The following GGACT variants were observed in gnomAD, a reference collection of about 807,000 sequenced individuals.
The protein encoded by GGACT is gamma-glutamylaminecyclotransferase.
For missense variants in GGACT, 241 were observed against 233.2 expected (o/e 1.03, Z -0.22); for synonymous variants, 118 against 115.3 (o/e 1.02, Z -0.15).
chr13:100,548,930 T>A (rs941315036), intron 2 of GGACT, among the ~76,000 whole-genome samples: 2 of 152,202 alleles, frequency 1.3e-5, no homozygotes, highest in Non-Finnish European at 2.9e-5. Context: ...TCAGCATGAA[T>A]TAGTCAAAGT....
intron 2 of GGACT, among the ~76,000 whole-genome samples, chr13:100,553,199 G>A (rs192938700): frequency 2.0e-4 from 30 of 152,150 alleles, no homozygotes; most frequent in African/African-American, 7.0e-4. Context: ...AAAATATTGT[G>A]CAGTGAATCC....
chr13:100,548,970 C>T (rs937654238), intron 2 of GGACT, among the ~76,000 whole-genome samples: 1 of 152,240 alleles, frequency 6.6e-6, no homozygotes. Context: ...AAGATAACCA[C>T]CAAATACAAC....
At chr13:100,536,332 T>A (rs941038090) in intron 2 of GGACT, 1 of 152,112 alleles carries the variant, frequency 6.6e-6, no homozygotes, top group Non-Finnish European at 1.5e-5. Context: ...TCCTCTCTGT[T>A]CTCTTTCTGG....
intron 2 of GGACT, among the ~76,000 whole-genome samples, chr13:100,569,939 C>T (rs758030968): frequency 3.3e-5 from 5 of 152,214 alleles, no homozygotes; most frequent in South Asian, 2.1e-4. Flanking sequence ...ACAAGTTCCT[C>T]GTTTCCATCT....
At chr13:100,549,668 C>T (rs1369168674) in intron 2 of GGACT, among the ~76,000 whole-genome samples, 1 of 152,204 alleles carries the variant, frequency 6.6e-6, no homozygotes, top group East Asian at 1.9e-4. Context: ...TCAGCATCAC[C>T]TTTCGCTAAG....
At chr13:100,579,498 T>C in intron 2 of GGACT, among the ~76,000 whole-genome samples, 1 of 151,944 alleles carries the variant, frequency 6.6e-6, no homozygotes, top group East Asian at 1.9e-4. Flanking sequence ...AACCTAAAAA[T>C]ACTACTCTCT....
chr13:100,579,764 C>T (rs1269375198), intron 2 of GGACT, among the ~76,000 whole-genome samples: 1 of 152,180 alleles, frequency 6.6e-6, no homozygotes, highest in East Asian at 1.9e-4. Context: ...GGAGAGTTCA[C>T]CCTGGGTCTC....
intron 2 of GGACT, chr13:100,541,776 T>A (rs2088557149): frequency 6.6e-6 from 1 of 152,228 alleles, no homozygotes; most frequent in Non-Finnish European, 1.5e-5. Context: ...CTGCAGAAGA[T>A]GATAGCTTAT....
rs147710327 is a variant in GGACT at position 100,543,197 on chromosome 13, C to CTTTTTTTTTTTTTTTTTT, written c.-10-10614_-10-10597dup. Among the ~76,000 whole-genome samples the CTTTTTTTTTTTTTTTTTT allele has an allele frequency of 2.4e-4, 17 of 69,900 alleles. 1 individual carries two copies. The highest frequency in any genetic ancestry group is 1.1e-3 in the African/African-American group (17 of 16,182). The allele number at this position is 69,900 out of a possible 152,430, so 45.9% of individuals were successfully genotyped here. A position where few individuals can be genotyped will look rare whatever the true frequency, so the allele number is the denominator to read the frequency against. On this transcript the variant is annotated intron_variant, in intron 2 of 2. Transcript: ENST00000683975. Reference sequence around the variant, plus strand: ...CAAAAGGATTTTAAAAAGACACCAGCTTTTTTTTTTTTTTTTTTTTTTTTT... The same window carrying CTTTTTTTTTTTTTTTTTT: ...CAAAAGGATTTTAAAAAGACACCAGCTTTTTTTTTTTTTTTTTTTTTTTTTTTTTTTTTTTTTTTTTTT...
chr13:100,533,423 C>T (rs995451257), intron 2 of GGACT: 55 of 152,400 alleles, frequency 3.6e-4, no homozygotes, highest in African/African-American at 1.2e-3. Context: ...TCCCAACAGC[C>T]TGCCCTGCTA....
Position 100,542,282 on chromosome 13 carries a change from G to A in GGACT, c.-10-9681C>T, listed in dbSNP as rs78278875. The stretch of plus-strand genomic sequence containing the variant: ...GCTGACCCCCCCAGCAAGAAGACGG[G>A]TAGGGTTTGTTTCATGGGACAAGAT... On this transcript the variant is annotated intron_variant, in intron 2 of 2. Transcript: ENST00000683975. Among the ~76,000 whole-genome samples, 610 of 152,340 alleles carry A rather than the reference G, an allele frequency of 4.0e-3. 3 individuals carry two copies. The highest frequency in any genetic ancestry group is 0.014 in the African/African-American group (578 of 41,576).
chr13:100,560,778 A>C (rs1304611921), intron 2 of GGACT, among the ~76,000 whole-genome samples: 3 of 152,184 alleles, frequency 2.0e-5, no homozygotes, highest in Admixed American at 6.5e-5. Context: ...CTCTTGGCCA[A>C]GGTTTTTGGT....
intron 2 of GGACT, among the ~76,000 whole-genome samples, chr13:100,575,747 T>C (rs758973144): frequency 3.3e-5 from 5 of 152,106 alleles, no homozygotes; most frequent in Non-Finnish European, 7.3e-5. Context: ...CTGGGTGACA[T>C]AGTGAGACCC....
intron 2 of GGACT, among the ~76,000 whole-genome samples, chr13:100,547,464 C>A (rs148512970): frequency 6.6e-6 from 1 of 152,144 alleles, no homozygotes; most frequent in African/African-American, 2.4e-5. Context: ...AATTATACCT[C>A]AAAAAAGGTA....
chr13:100,572,073 A>G (rs1299160935), intron 2 of GGACT, among the ~76,000 whole-genome samples: 1 of 152,242 alleles, frequency 6.6e-6, no homozygotes, highest in Non-Finnish European at 1.5e-5. Context: ...TGGTCTGCAC[A>G]GTATACTAAA....
intron 2 of GGACT, among the ~76,000 whole-genome samples, chr13:100,583,462 G>A (rs987878769): frequency 2.6e-5 from 4 of 152,112 alleles, no homozygotes; most frequent in Non-Finnish European, 5.9e-5. Context: ...GACAACCCCA[G>A]AGAAAAACAG....
At chr13:100,585,822 CAAAAAA>C (rs550006144) in intron 1 of GGACT, among the ~76,000 whole-genome samples, 91 of 29,532 alleles carry the variant, frequency 3.1e-3, no homozygotes, top group African/African-American at 7.1e-3. Context: ...CTGTCTCCAC[CAAAAAA>C]AAAAAAAAAA....
At position 100,530,585 on chromosome 13, in the gene GGACT, C is replaced by A. The variant is rs2088340380; in HGVS notation, c.*1545G>T. On this transcript the variant is annotated 3_prime_UTR_variant, in exon 3 of 3. Coordinates refer to ENST00000683975, the MANE Select transcript of GGACT (RefSeq NM_001195087.2). The stretch of plus-strand genomic sequence containing the variant: ...CCTTGCTTTATTAAATTAGCACTTG[C>A]CATTTTTTCATCTGATTGCCTTACT... 1.0e-5 allele frequency: 3 copies of A among 291,986 alleles called. No homozygotes were observed. The highest frequency in any genetic ancestry group is 4.5e-5 in the African/African-American group (2 of 44,848). 18.1% of individuals were successfully genotyped at this position (291,986 alleles called of 1,614,324 possible).
In GGACT at chr13:100,546,916, C is replaced by A. The variant is rs2088610663; in HGVS notation, c.-10-14315G>T. On this transcript the variant is annotated intron_variant, in intron 2 of 2. Coordinates refer to ENST00000683975, the MANE Select transcript of GGACT (RefSeq NM_001195087.2). The stretch of plus-strand genomic sequence containing the variant: ...TCTCGCCTTCTCTTCCTTTCACCCC[C>A]CTACGTCATCTGGCACGGCCCGGCG... Among the ~76,000 whole-genome samples, 3 of 152,206 alleles carry A rather than the reference C, an allele frequency of 2.0e-5. No individual in the cohort carries two copies. In the South Asian group the frequency reaches 6.2e-4, roughly 32 times the overall value.
Sources: allele counts gnomAD v4.1 joint callset (sites outside exome capture counted in the v4.1 genomes callset), GRCh38; gene constraint gnomAD v4.1.1; transcripts MANE v1.5; gene names NCBI Gene and HGNC (gene_info 2026-07-23, HGNC 2026-07-21).